ZDHHC15: variants seen among roughly 807,000 people sequenced by gnomAD.
ZDHHC15 encodes palmitoyltransferase ZDHHC15.
Under a neutral mutation model 31.7 loss-of-function variants are expected in ZDHHC15, and 19 were observed. That is an observed-to-expected ratio of 0.60 (90% CI 0.42 to 0.88). The LOEUF is 0.88. ZDHHC15 is among the 40% of genes least tolerant of loss of function. ZDHHC15 has a pLI of 0.00. For missense variants in ZDHHC15, 209 were observed against 251.2 expected, an observed-to-expected ratio of 0.83 and a Z score of 1.14; for synonymous variants, 103 against 90.0, an observed-to-expected ratio of 1.14 and a Z score of -0.82.
chrX:75,435,616 T>A (rs2083840966), intron 4 of ZDHHC15, among the ~76,000 whole-genome samples: 1 of 112,450 alleles, frequency 8.9e-6, no homozygotes, highest in African/African-American at 3.2e-5. Context: ...TTTTTGTTTT[T>A]ACTTATGTTT....
chrX:75,442,617 G>A lies in ZDHHC15; in HGVS notation c.379+8185C>T, dbSNP rs764626889. On this transcript the variant is annotated intron_variant, in intron 4 of 11. Transcript: ENST00000373367. ...GGGATGTGAAGGACCTTTTCAAGGAGAACTACAAACTACTGCTCAATGAAA... is the reference window on the plus strand; with the variant it reads ...GGGATGTGAAGGACCTTTTCAAGGAAAACTACAAACTACTGCTCAATGAAA... 6.3e-5 allele frequency among the ~76,000 whole-genome samples: 7 copies of A among 111,989 alleles called. No homozygotes were observed. The East Asian group carries it at 2.0e-3, about 32-fold the overall frequency.
intron 4 of ZDHHC15, among the ~76,000 whole-genome samples, chrX:75,440,528 C>A (rs1368404160): frequency 1.8e-5 from 2 of 112,440 alleles, no homozygotes; most frequent in African/African-American, 6.5e-5. Context: ...ATCTGCCTGC[C>A]CCGGCCTCCC....
chrX:75,387,130 C>A (rs778039330), intron 10 of ZDHHC15, among the ~76,000 whole-genome samples: 1 of 111,313 alleles, frequency 9.0e-6, no homozygotes, highest in Non-Finnish European at 1.9e-5. Context: ...AAGACAGTGA[C>A]CTAGTGAGGA....
intron 1 of ZDHHC15, among the ~76,000 whole-genome samples, chrX:75,510,127 T>C: frequency 8.9e-6 from 1 of 111,885 alleles, no homozygotes; most frequent in East Asian, 2.8e-4. Context: ...GCCATTCATT[T>C]ACTTTTAAGG....
At chrX:75,409,280 C>T (rs943998579) in intron 10 of ZDHHC15, among the ~76,000 whole-genome samples, 4 of 108,368 alleles carry the variant, frequency 3.7e-5, no homozygotes, top group Non-Finnish European at 7.6e-5. Context: ...TCACTTGAGG[C>T]CGGGAGTTTG....
At chrX:75,485,810 C>T (rs1013073701) in intron 2 of ZDHHC15, among the ~76,000 whole-genome samples, 4 of 112,534 alleles carry the variant, frequency 3.6e-5, no homozygotes, top group African/African-American at 1.3e-4. Flanking sequence ...ACAACTTACG[C>T]TAAGTTATCC....
At chrX:75,483,426 G>T (rs2084725156) in intron 2 of ZDHHC15, among the ~76,000 whole-genome samples, 1 of 110,180 alleles carries the variant, frequency 9.1e-6, no homozygotes, top group Admixed American at 9.8e-5. Flanking sequence ...AATTATCTGG[G>T]CATGGTGGCA....
intron 5 of ZDHHC15, among the ~76,000 whole-genome samples, chrX:75,430,805 C>G (rs959367805): frequency 9.0e-6 from 1 of 111,448 alleles, no homozygotes; most frequent in Non-Finnish European, 1.9e-5. Context: ...GAGAATGGCA[C>G]CTTACTCTGT....
At chrX:75,446,698 C>A (rs1229443977) in intron 4 of ZDHHC15, among the ~76,000 whole-genome samples, 1 of 111,292 alleles carries the variant, frequency 9.0e-6, no homozygotes, top group Non-Finnish European at 1.9e-5. Flanking sequence ...AAGGTACCAA[C>A]AGCTTTAGTG....
intron 3 of ZDHHC15, among the ~76,000 whole-genome samples, chrX:75,465,974 CA>C (rs1193461493): frequency 9.0e-6 from 1 of 111,537 alleles, no homozygotes; most frequent in Non-Finnish European, 1.9e-5. Flanking sequence ...AGTTCCTGCA[CA>C]GCAAAAGAAA....
At chrX:75,376,256 T>TGG (rs1267190918) in intron 11 of ZDHHC15, among the ~76,000 whole-genome samples, 1 of 52,658 alleles carries the variant, frequency 1.9e-5, no homozygotes, top group Non-Finnish European at 5.8e-5. Flanking sequence ...TTTAATGGGG[T>TGG]TGTTTTTTTT....
rs778230508 is a variant in ZDHHC15 at position 75,502,436 on chromosome X, T to C, written c.163+3385A>G. On this transcript the variant is annotated intron_variant, in intron 2 of 11. Transcript: ENST00000373367. ...AAGTTGACCCATAACAGTTCTGTTATTTAGAAATTACATCTGTTTCTGAAA... is the reference window on the plus strand; with the variant it reads ...AAGTTGACCCATAACAGTTCTGTTACTTAGAAATTACATCTGTTTCTGAAA... Among the ~76,000 whole-genome samples, 79 of 112,196 alleles carry C rather than the reference T, an allele frequency of 7.0e-4. 1 individual carries two copies. Among genetic ancestry groups the C allele is most frequent in the South Asian group, 1.1e-3 (3 of 2,746 alleles).
At chrX:75,377,234 G>A (rs1016398863) in intron 11 of ZDHHC15, among the ~76,000 whole-genome samples, 1 of 110,858 alleles carries the variant, frequency 9.0e-6, no homozygotes, top group Non-Finnish European at 1.9e-5. Context: ...GGCCCGGCAC[G>A]GTGGCTAATC....
chrX:75,456,041 G>A (rs1376061885), intron 3 of ZDHHC15, among the ~76,000 whole-genome samples: 3 of 111,490 alleles, frequency 2.7e-5, no homozygotes, highest in Non-Finnish European at 3.8e-5. Context: ...CTACTAGAAA[G>A]ACACACACAC....
chrX:75,396,426 T>A (rs907910644), intron 10 of ZDHHC15, among the ~76,000 whole-genome samples: 4 of 111,539 alleles, frequency 3.6e-5, no homozygotes, highest in Non-Finnish European at 5.7e-5. Context: ...GAAATGAAAA[T>A]CAAAACTATA....
chrX:75,473,643 A>C (rs2084540891), intron 3 of ZDHHC15, among the ~76,000 whole-genome samples: 1 of 111,602 alleles, frequency 9.0e-6, no homozygotes, highest in African/African-American at 3.3e-5. Context: ...TTATTACTCC[A>C]CAACGGAGGT....
chrX:75,475,674 T>C (rs1171640777), intron 3 of ZDHHC15, among the ~76,000 whole-genome samples: 1 of 112,271 alleles, frequency 8.9e-6, no homozygotes, highest in Non-Finnish European at 1.9e-5. Flanking sequence ...TTTGTTCTTT[T>C]TCAAGATTGT....
At chrX:75,398,246 C>T (rs766168847) in intron 10 of ZDHHC15, among the ~76,000 whole-genome samples, 3 of 112,502 alleles carry the variant, frequency 2.7e-5, no homozygotes, top group South Asian at 3.7e-4. Context: ...GTGCCTTAGC[C>T]GTTCCAGCCT....
intron 4 of ZDHHC15, among the ~76,000 whole-genome samples, chrX:75,447,301 G>T (rs1462941738): frequency 8.9e-6 from 1 of 112,388 alleles, no homozygotes; most frequent in Non-Finnish European, 1.9e-5. Context: ...TTTGGATACA[G>T]ATTTGTCTTC....
Sources: allele counts gnomAD v4.1 joint callset (sites outside exome capture counted in the v4.1 genomes callset), GRCh38; gene constraint gnomAD v4.1.1; transcripts MANE v1.5; gene names NCBI Gene and HGNC (gene_info 2026-07-23, HGNC 2026-07-21).